STX8: variants seen among roughly 807,000 people sequenced by gnomAD.
STX8 encodes the protein syntaxin-8.
A neutral mutation model predicts 37.5 loss-of-function variants in STX8; 23 were observed. That is an observed-to-expected ratio of 0.61 (90% CI 0.44 to 0.87). STX8 has a LOEUF of 0.87. Ranked by LOEUF, STX8 falls within the 40% of genes least tolerant of loss-of-function variation. STX8 has a pLI of 0.00. For missense variants in STX8, 313 were observed against 284.7 expected, an observed-to-expected ratio of 1.10 and a Z score of -0.71; for synonymous variants, 115 against 99.1, an observed-to-expected ratio of 1.16 and a Z score of -0.95.
intron 7 of STX8, among the ~76,000 whole-genome samples, chr17:9,260,496 C>G (rs890144862): frequency 6.6e-6 from 1 of 151,944 alleles, no homozygotes; most frequent in Non-Finnish European, 1.5e-5. Context: ...TGGTGGTGCA[C>G]GCCTGTAATC....
intron 4 of STX8, among the ~76,000 whole-genome samples, chr17:9,506,778 A>C (rs1366966656): frequency 2.6e-5 from 4 of 151,960 alleles, no homozygotes; most frequent in Non-Finnish European, 2.9e-5. Context: ...GCACTGCCCC[A>C]GATTAGGAGC....
At chr17:9,537,567 C>T (rs1270997699) in intron 4 of STX8, among the ~76,000 whole-genome samples, 3 of 12,798 alleles carry the variant, frequency 2.3e-4, no homozygotes, top group African/African-American at 5.4e-4. Flanking sequence ...CAGTCTATCA[C>T]GTCCTGGCTC....
chr17:9,313,881 C>T (rs373801845), intron 7 of STX8, among the ~76,000 whole-genome samples: 19 of 152,138 alleles, frequency 1.2e-4, no homozygotes, highest in African/African-American at 2.7e-4. Context: ...CCACCTGCCT[C>T]GGCCTCCTAA....
intron 4 of STX8, among the ~76,000 whole-genome samples, chr17:9,516,624 T>C (rs1905167884): frequency 6.6e-6 from 1 of 152,052 alleles, no homozygotes; most frequent in South Asian, 2.1e-4. Context: ...TATCCCTGGA[T>C]GTACACCCGA....
At chr17:9,362,865 A>T (rs62067096) in intron 7 of STX8, among the ~76,000 whole-genome samples, 19,573 of 147,170 alleles carry the variant, frequency 0.13, 1,859 homozygotes, top group Non-Finnish European at 0.19. Flanking sequence ...ATAAATAAAT[A>T]ATCTCTTTCT....
chr17:9,395,253 A>G (rs1912358350), intron 6 of STX8, among the ~76,000 whole-genome samples: 1 of 152,146 alleles, frequency 6.6e-6, no homozygotes, highest in African/African-American at 2.4e-5. Context: ...TTTAACCACA[A>G]TAATTTAATG....
Position 9,514,378 on chromosome 17 carries a change from G to T in STX8, c.324-9216C>A, listed in dbSNP as rs568514613. Among the ~76,000 whole-genome samples the T allele has an allele frequency of 5.3e-5, 8 of 152,296 alleles. No individual in the cohort carries two copies. In the East Asian group the frequency reaches 1.5e-3, roughly 29 times the overall value. ...CCAGCACTTTGGGAGGCCAACGCAG[G>T]TGGATCACCTGAGGTCAGGAGTTCC... On this transcript the variant is annotated intron_variant, in intron 4 of 7. Transcript: ENST00000306357.
intron 4 of STX8, among the ~76,000 whole-genome samples, chr17:9,515,234 G>A (rs1216987654): frequency 6.6e-6 from 1 of 152,008 alleles, no homozygotes; most frequent in Non-Finnish European, 1.5e-5. Context: ...TTACACAGAA[G>A]GCACTAAAAA....
intron 6 of STX8, among the ~76,000 whole-genome samples, chr17:9,469,405 A>G (rs1262356382): frequency 2.0e-5 from 3 of 151,854 alleles, no homozygotes. Flanking sequence ...AAGATGTTCC[A>G]TGTCTCTTTC....
At chr17:9,425,476 G>A (rs1913593771) in intron 6 of STX8, among the ~76,000 whole-genome samples, 1 of 152,168 alleles carries the variant, frequency 6.6e-6, no homozygotes, top group African/African-American at 2.4e-5. Context: ...TACACCTGAA[G>A]CAAGGTGGGG....
intron 6 of STX8, among the ~76,000 whole-genome samples, chr17:9,425,022 G>A (rs1249813169): frequency 3.3e-5 from 5 of 152,196 alleles, no homozygotes; most frequent in Non-Finnish European, 7.3e-5. Flanking sequence ...AAAGATTCAT[G>A]AATGAGGCAG....
chr17:9,410,313 A>T (rs1356455433), intron 6 of STX8, among the ~76,000 whole-genome samples: 2 of 152,264 alleles, frequency 1.3e-5, no homozygotes, highest in Admixed American at 6.5e-5. Context: ...AAGCATGTAT[A>T]AGTAAAAATT....
chr17:9,485,065 G>C (rs1265427007), intron 6 of STX8, among the ~76,000 whole-genome samples: 1 of 152,202 alleles, frequency 6.6e-6, no homozygotes, highest in Admixed American at 6.5e-5. Context: ...GAAGCAGGAA[G>C]ACTGCTTAAG....
At chr17:9,567,163 T>C (rs980371846) in intron 2 of STX8, among the ~76,000 whole-genome samples, 6 of 152,108 alleles carry the variant, frequency 3.9e-5, no homozygotes, top group African/African-American at 1.4e-4. Context: ...GGGAGGAAGC[T>C]GGAAGGAGGA....
At chr17:9,440,610 C>T (rs1183479120) in intron 6 of STX8, among the ~76,000 whole-genome samples, 6 of 151,840 alleles carry the variant, frequency 4.0e-5, no homozygotes, top group African/African-American at 1.2e-4. Flanking sequence ...CTGCAACCTC[C>T]GCCTCCTGGG....
chr17:9,488,815 A>AGTGTGTGTGTGTGTGTGTGTGT (rs1293010664), intron 6 of STX8, among the ~76,000 whole-genome samples: 1 of 97,752 alleles, frequency 1.0e-5, no homozygotes, highest in African/African-American at 3.9e-5. Context: ...AGAGAGAGAG[A>AGTGTGTGTGTGTGTGTGTGTGT]GAGAGAGTGT....
chr17:9,487,315 C>T lies in STX8; in HGVS notation c.541+4514G>A, dbSNP rs934536113. Among the ~76,000 whole-genome samples, 11 of 152,254 alleles carry T rather than the reference C, an allele frequency of 7.2e-5. No homozygotes were observed. The East Asian group carries it at 1.9e-3, about 27-fold the overall frequency. On this transcript the variant is annotated intron_variant, in intron 6 of 7. Coordinates refer to ENST00000306357, the MANE Select transcript of STX8 (RefSeq NM_004853.3). ...ACCAAAATTCAGCAGGCCGGTAAAT[C>T]ACATGCAGATACTTGCAGCCAATGT...
chr17:9,427,500 G>A (rs777330865), intron 6 of STX8, among the ~76,000 whole-genome samples: 11 of 152,134 alleles, frequency 7.2e-5, no homozygotes, highest in Non-Finnish European at 1.5e-4. Context: ...AAAATAACGG[G>A]ATGAAAAAGG....
chr17:9,535,735 A>C (rs999184420), intron 4 of STX8, among the ~76,000 whole-genome samples: 1 of 152,058 alleles, frequency 6.6e-6, no homozygotes, highest in Admixed American at 6.6e-5. Flanking sequence ...CCCATCCTCC[A>C]GCCATCCTAC....
Sources: allele counts gnomAD v4.1 joint callset (sites outside exome capture counted in the v4.1 genomes callset), GRCh38; gene constraint gnomAD v4.1.1; transcripts MANE v1.5; gene names NCBI Gene and HGNC (gene_info 2026-07-23, HGNC 2026-07-21).